Variants in CAMSAP1 observed in about 807,000 individuals in gnomAD.
CAMSAP1 encodes the protein calmodulin-regulated spectrin-associated protein 1.
CAMSAP1 carries 58 observed loss-of-function variants against 143.5 expected under a neutral mutation model. The ratio of observed to expected loss-of-function variants is 0.40; its 90% confidence interval spans 0.33 to 0.50. The LOEUF is 0.50. CAMSAP1 is among the 20% of genes least tolerant of loss of function. The probability of loss-of-function intolerance (pLI) is 0.45; values close to 1 mark genes in which losing one functional copy is unlikely to be tolerated. For missense variants in CAMSAP1, 1,969 were observed against 2,115.7 expected (o/e 0.93, Z 1.36); for synonymous variants, 945 against 859.3 (o/e 1.10, Z -1.74).
At chr9:135,823,775 G>C (rs3739463) in intron 10 of CAMSAP1, among the ~76,000 whole-genome samples, 175 bp downstream of exon 10, 23,745 of 152,006 alleles carry the variant, frequency 0.16, 2,411 homozygotes, top group East Asian at 0.35. Flanking sequence ...ACTCGCAAGA[G>C]TGAGGCTGCA....
chr9:135,890,382 A>G (rs190735563), intron 1 of CAMSAP1, among the ~76,000 whole-genome samples: 3 of 152,248 alleles, frequency 2.0e-5, no homozygotes, highest in Admixed American at 6.5e-5. Flanking sequence ...GGCCAAGTTC[A>G]GGCAGAAGAC....
intron 7 of CAMSAP1, among the ~76,000 whole-genome samples, chr9:135,834,611 G>A (rs1180570983): frequency 6.6e-6 from 1 of 152,218 alleles, no homozygotes; most frequent in Non-Finnish European, 1.5e-5. Context: ...AACTTAAGCA[G>A]AGAAGTGTTT....
chr9:135,892,768 T>C (rs1006509455), intron 1 of CAMSAP1, among the ~76,000 whole-genome samples: 2 of 143,590 alleles, frequency 1.4e-5, no homozygotes, highest in Admixed American at 1.5e-4. Context: ...GGAGAATCTC[T>C]TGAACCCAGG....
chr9:135,863,412 C>T lies in CAMSAP1; in HGVS notation c.667-804G>A, dbSNP rs147062746. On this transcript the variant is annotated intron_variant, in intron 4 of 16. Coordinates refer to ENST00000389532, the MANE Select transcript of CAMSAP1 (RefSeq NM_015447.4). Reference sequence around the variant, plus strand: ...AGTACACTGGTGTTTTCTGCATTAACAGCCACGATACAGCTTTAAAATATG... The same window carrying T: ...AGTACACTGGTGTTTTCTGCATTAATAGCCACGATACAGCTTTAAAATATG... Among the ~76,000 whole-genome samples the T allele has an allele frequency of 6.2e-4, 94 of 152,320 alleles. No individual in the cohort carries two copies. In the East Asian group the frequency reaches 0.016, roughly 26 times the overall value.
At chr9:135,836,229 CT>C (rs1251416295) in intron 7 of CAMSAP1, 2 of 985,286 alleles carry the variant, frequency 2.0e-6, no homozygotes, top group East Asian at 2.3e-4. Context: ...ACCTTCTACC[CT>C]GTTCTACAGA....
At chr9:135,890,851 A>G (rs1320443354) in intron 1 of CAMSAP1, among the ~76,000 whole-genome samples, 1 of 152,256 alleles carries the variant, frequency 6.6e-6, no homozygotes, top group Non-Finnish European at 1.5e-5. Flanking sequence ...AAACAGTAAC[A>G]GAAGCAAGCT....
At chr9:135,814,658 G>A (rs976477342) in intron 16 of CAMSAP1, among the ~76,000 whole-genome samples, 8 of 151,528 alleles carry the variant, frequency 5.3e-5, no homozygotes, top group Non-Finnish European at 8.8e-5. Flanking sequence ...CTCCGTCCTC[G>A]GTCCTCCCCA....
rs375036461 is a variant in CAMSAP1, at chr9:135,823,600, C to T, written c.1401-340G>A. On this transcript the variant is annotated intron_variant, in intron 10 of 16. Coordinates refer to ENST00000389532, the MANE Select transcript of CAMSAP1 (RefSeq NM_015447.4). ...GATTAAAATTACAGTAATTAGCCCA[C>T]TCCATGACAAATGACTATATTCGCC... 2.8e-4 allele frequency among the ~76,000 whole-genome samples: 43 copies of T among 152,346 alleles called. No individual in the cohort carries two copies. The South Asian group carries it at 8.3e-3, about 29-fold the overall frequency.
intron 3 of CAMSAP1, among the ~76,000 whole-genome samples, chr9:135,869,956 T>TA (rs764626065): frequency 2.4e-4 from 36 of 152,204 alleles, no homozygotes; most frequent in Non-Finnish European, 4.7e-4. Flanking sequence ...ATACCATTCA[T>TA]AAAAACTGTC....
chr9:135,841,200 G>A (rs1836335258), intron 7 of CAMSAP1, among the ~76,000 whole-genome samples: 1 of 152,146 alleles, frequency 6.6e-6, no homozygotes. Flanking sequence ...TGAGTAGGTG[G>A]GTTTTTCCCT....
Position 135,821,774 on chromosome 9 carries a change from GCTC to G in CAMSAP1, c.2884_2886del (p.Glu962del). On this transcript the variant is annotated inframe_deletion, in exon 11 of 17. Coordinates refer to ENST00000389532, the MANE Select transcript of CAMSAP1 (RefSeq NM_015447.4). The surrounding 1 kb of genome is among the most constrained non-coding windows in gnomAD (Gnocchi z 4.6). ...GGCTCGTGAAGGAGCTCCTCTCTCTGCTCCTCCTTCACGAGAAAGTCTTCGGTT... is the reference window on the plus strand; with the variant it reads ...GGCTCGTGAAGGAGCTCCTCTCTCTGCTCCTTCACGAGAAAGTCTTCGGTT... 6.2e-7 allele frequency: 1 copy of G among 1,613,958 alleles called. No individual in the cohort carries two copies. Among genetic ancestry groups the G allele is most frequent in the Non-Finnish European group, 8.5e-7 (1 of 1,179,886 alleles).
chr9:135,853,366 G>A (rs576205153), intron 5 of CAMSAP1, among the ~76,000 whole-genome samples: 1 of 152,326 alleles, frequency 6.6e-6, no homozygotes, highest in South Asian at 2.1e-4. Flanking sequence ...GGGGATCTGT[G>A]TGCCAACGTT....
At position 135,881,813 on chromosome 9, in the gene CAMSAP1, G is replaced by C; in HGVS notation, c.424-19C>G. 6.4e-7 allele frequency: 1 copy of C among 1,551,072 alleles called. No individual in the cohort carries two copies. Among genetic ancestry groups the C allele is most frequent in the African/African-American group, 1.4e-5 (1 of 73,160 alleles). The stretch of plus-strand genomic sequence containing the variant: ...GGGCACTCTAGGGGCAGAGGCAGCA[G>C]CTATAATCCCTCAAACCCACCCCTC... On this transcript the variant is annotated intron_variant, in intron 2 of 16. Transcript: ENST00000389532.
chr9:135,877,925 G>A (rs1837808079), intron 3 of CAMSAP1, among the ~76,000 whole-genome samples: 1 of 152,196 alleles, frequency 6.6e-6, no homozygotes, highest in Non-Finnish European at 1.5e-5. Context: ...ACCCGGGAAG[G>A]AGGAAAACCT....
At chr9:135,838,696 A>G (rs1266910025) in intron 7 of CAMSAP1, among the ~76,000 whole-genome samples, 1 of 150,898 alleles carries the variant, frequency 6.6e-6, no homozygotes, top group Non-Finnish European at 1.5e-5. Context: ...ACACGTCATC[A>G]CGCACTTTCC....
chr9:135,895,813 A>G (rs1441293531), intron 1 of CAMSAP1, among the ~76,000 whole-genome samples: 2 of 152,340 alleles, frequency 1.3e-5, no homozygotes, highest in South Asian at 2.1e-4. Context: ...TAAAATAAGG[A>G]TATCAGTAAA....
rs989681173 is a variant in CAMSAP1 at position 135,894,129 on chromosome 9, G to A, written c.161-11051C>T. ...CACCTACCACACCAGGCGAGCCCAA[G>A]CCCTACTAACAATCAGCAGGTAGGG... is the stretch of plus-strand genomic sequence containing the variant. On this transcript the variant is annotated intron_variant, in intron 1 of 16. Coordinates refer to ENST00000389532, the MANE Select transcript of CAMSAP1 (RefSeq NM_015447.4). 4.8e-4 allele frequency among the ~76,000 whole-genome samples: 73 copies of A among 152,248 alleles called. 1 individual carries two copies. The highest frequency in any genetic ancestry group is 4.1e-3 in the Admixed American group (63 of 15,304).
chr9:135,861,049 T>C (rs1026923696), intron 5 of CAMSAP1, among the ~76,000 whole-genome samples: 35 of 152,172 alleles, frequency 2.3e-4, no homozygotes, highest in Admixed American at 2.0e-3. Context: ...ATTTCCTCCT[T>C]AAAGAGCTTC....
intron 1 of CAMSAP1, among the ~76,000 whole-genome samples, chr9:135,892,868 G>A (rs181958112): frequency 0.13 from 6,130 of 47,956 alleles, 9 homozygotes; most frequent in Non-Finnish European, 0.15. Context: ...AAAAAAAAAA[G>A]AACTAATCAG....
Sources: gnomAD v4.1 joint callset for allele counts (sites outside exome capture counted in the v4.1 genomes callset) on GRCh38, gnomAD v4.1.1 for gene constraint, Gnocchi (gnomAD v3.1) non-coding constraint, MANE v1.5 for transcripts, NCBI Gene and HGNC (gene_info 2026-07-23, HGNC 2026-07-21) for gene names.